Variants in GRM8 observed in about 807,000 individuals in gnomAD.
GRM8 encodes metabotropic glutamate receptor 8.
Under a neutral mutation model 87.2 loss-of-function variants are expected in GRM8, and 47 were observed. That is an observed-to-expected ratio of 0.54 (90% CI 0.43 to 0.69). GRM8 has a LOEUF of 0.69. GRM8 is among the 30% of genes least tolerant of loss of function. The pLI is 0.00. For missense variants in GRM8, 1,019 were observed against 1,139.2 expected, an observed-to-expected ratio of 0.89 and a Z score of 1.52; for synonymous variants, 396 against 404.5, an observed-to-expected ratio of 0.98 and a Z score of 0.25.
chr7:127,076,755 C>T (rs542329306), intron 3 of GRM8, among the ~76,000 whole-genome samples: 1 of 152,298 alleles, frequency 6.6e-6, no homozygotes, highest in East Asian at 1.9e-4. Flanking sequence ...CTTTGGCATT[C>T]ATTGGGCTGG....
chr7:126,619,399 A>G (rs1432441832), intron 7 of GRM8, among the ~76,000 whole-genome samples: 1 of 152,166 alleles, frequency 6.6e-6, no homozygotes, highest in Admixed American at 6.5e-5. Context: ...GGGGAGGGAA[A>G]GCATTAAGAG....
intron 6 of GRM8, among the ~76,000 whole-genome samples, chr7:126,892,801 G>C (rs1801181147): frequency 6.6e-6 from 1 of 152,068 alleles, no homozygotes; most frequent in African/African-American, 2.4e-5. Flanking sequence ...AGCACCTGTT[G>C]TTTCCTGACT....
chr7:126,440,476 C>T (rs1176286253), intron 10 of GRM8, among the ~76,000 whole-genome samples: 1 of 151,310 alleles, frequency 6.6e-6, no homozygotes, highest in Non-Finnish European at 1.5e-5. Context: ...ATTCAATCAC[C>T]ACTCATTCAC....
At chr7:126,833,190 C>A (rs1333145905) in intron 6 of GRM8, among the ~76,000 whole-genome samples, 1 of 152,162 alleles carries the variant, frequency 6.6e-6, no homozygotes, top group East Asian at 1.9e-4. Context: ...GCACCAAATG[C>A]AGCTGGTGGA....
chr7:126,594,323 T>C (rs1796960397), intron 8 of GRM8, among the ~76,000 whole-genome samples: 2 of 152,060 alleles, frequency 1.3e-5, no homozygotes, highest in Admixed American at 1.3e-4. Context: ...ATAGTCAAGA[T>C]GTAGAATCAA....
At chr7:127,186,906 A>C (rs1400362113) in intron 2 of GRM8, among the ~76,000 whole-genome samples, 1 of 152,146 alleles carries the variant, frequency 6.6e-6, no homozygotes, top group Non-Finnish European at 1.5e-5. Context: ...GAACTTAGTC[A>C]AAGGGACCTC....
intron 2 of GRM8, among the ~76,000 whole-genome samples, chr7:127,196,480 G>T (rs1795282232): frequency 1.3e-5 from 2 of 151,394 alleles, no homozygotes; most frequent in African/African-American, 4.9e-5. Flanking sequence ...TCACACCACT[G>T]CACTCCAGCC....
chr7:126,656,837 G>T (rs1413731345), intron 7 of GRM8, among the ~76,000 whole-genome samples: 1 of 152,144 alleles, frequency 6.6e-6, no homozygotes, highest in African/African-American at 2.4e-5. Flanking sequence ...AAAAAGTTAT[G>T]CCTCTCATCA....
chr7:126,727,704 T>TACAC (rs3038844), intron 7 of GRM8, among the ~76,000 whole-genome samples: 2,911 of 141,842 alleles, frequency 0.021, 63 homozygotes, highest in African/African-American at 0.049. Context: ...TCTGAAATCA[T>TACAC]ACACACACAC....
At chr7:127,168,926 C>T (rs916599601) in intron 2 of GRM8, among the ~76,000 whole-genome samples, 15 of 151,128 alleles carry the variant, frequency 9.9e-5, no homozygotes, top group African/African-American at 1.7e-4. Context: ...GGTTGATGGG[C>T]GCAGCAAACC....
intron 2 of GRM8, among the ~76,000 whole-genome samples, chr7:127,149,683 T>C (rs1828742783): frequency 2.0e-5 from 3 of 152,066 alleles, no homozygotes; most frequent in Non-Finnish European, 4.4e-5. Context: ...AATGGACAGA[T>C]GGCTTAAGAA....
chr7:126,994,858 C>T (rs1813025358), intron 3 of GRM8, among the ~76,000 whole-genome samples: 1 of 152,076 alleles, frequency 6.6e-6, no homozygotes, highest in Non-Finnish European at 1.5e-5. Context: ...TGTGGCTTCC[C>T]CACCTACTGA....
At chr7:127,217,324 T>C (rs970016782) in intron 2 of GRM8, among the ~76,000 whole-genome samples, 6 of 152,118 alleles carry the variant, frequency 3.9e-5, no homozygotes, top group African/African-American at 1.2e-4. Flanking sequence ...AGGGAAACTG[T>C]CCTTGAAAAG....
chr7:126,728,571 G>A (rs1454347727), intron 7 of GRM8, among the ~76,000 whole-genome samples: 3 of 152,160 alleles, frequency 2.0e-5, no homozygotes, highest in Admixed American at 2.0e-4. Context: ...TGGCTCTGGA[G>A]AGGTGGGCCG....
At chr7:127,033,611 A>T (rs1228332248) in intron 3 of GRM8, among the ~76,000 whole-genome samples, 3 of 152,162 alleles carry the variant, frequency 2.0e-5, no homozygotes, top group African/African-American at 7.2e-5. Context: ...TTAGAACCAG[A>T]ATTCAAACCT....
At chr7:126,702,449 A>G (rs1006511981) in intron 7 of GRM8, among the ~76,000 whole-genome samples, 1 of 152,198 alleles carries the variant, frequency 6.6e-6, no homozygotes, top group Non-Finnish European at 1.5e-5. Flanking sequence ...AGACAACCAG[A>G]TATACTCATG....
intron 6 of GRM8, among the ~76,000 whole-genome samples, chr7:126,874,167 T>A (rs570841694): frequency 6.6e-6 from 1 of 152,182 alleles, no homozygotes. Flanking sequence ...TGGATACCCA[T>A]CATGCTTTCA....
intron 3 of GRM8, among the ~76,000 whole-genome samples, chr7:127,067,269 A>G (rs1409363084): frequency 6.6e-6 from 1 of 152,194 alleles, no homozygotes; most frequent in Non-Finnish European, 1.5e-5. Context: ...CTTGTTTCTC[A>G]GGAACCAAAT....
chr7:127,227,897 G>A (rs943898851), intron 2 of GRM8, among the ~76,000 whole-genome samples: 4 of 152,200 alleles, frequency 2.6e-5, no homozygotes, highest in Non-Finnish European at 4.4e-5. Context: ...CCCACCATGG[G>A]TGTGCTGGCC....
Sources: gnomAD v4.1 joint callset for allele counts (sites outside exome capture counted in the v4.1 genomes callset) on GRCh38, gnomAD v4.1.1 for gene constraint, MANE v1.5 for transcripts, NCBI Gene and HGNC (gene_info 2026-07-23, HGNC 2026-07-21) for gene names.